The following LEPR variants were observed in gnomAD, a reference collection of about 807,000 sequenced individuals.
The protein encoded by LEPR is OB receptor.
Under a neutral mutation model 114.7 loss-of-function variants are expected in LEPR, and 56 were observed. The ratio of observed to expected loss-of-function variants is 0.49; its 90% CI spans 0.39 to 0.61. The LOEUF is 0.61. Among genes scored for constraint, LEPR ranks in the 20% least tolerant of loss-of-function variants. LEPR has a pLI of 0.00. For missense variants in LEPR, 1,202 were observed against 1,352.9 expected, an observed-to-expected ratio of 0.89 and a Z score of 1.75; for synonymous variants, 443 against 461.4, an observed-to-expected ratio of 0.96 and a Z score of 0.51.
chr1:65,600,879 A>G (rs1395067461), intron 8 of LEPR, among the ~76,000 whole-genome samples: 1 of 151,754 alleles, frequency 6.6e-6, no homozygotes, highest in Non-Finnish European at 1.5e-5. Flanking sequence ...CGACATTCCT[A>G]TTTTTTAATT....
chr1:65,453,591 T>C (rs1411331483), intron 2 of LEPR, among the ~76,000 whole-genome samples: 1 of 152,220 alleles, frequency 6.6e-6, no homozygotes, highest in Non-Finnish European at 1.5e-5. Flanking sequence ...TGAGCGGTTT[T>C]GAGTGAGATT....
chr1:65,461,891 G>T (rs1027085573), intron 2 of LEPR, among the ~76,000 whole-genome samples: 1 of 152,114 alleles, frequency 6.6e-6, no homozygotes, highest in Non-Finnish European at 1.5e-5. Context: ...CCAAACATCA[G>T]CCTAATCGTG....
intron 6 of LEPR, among the ~76,000 whole-genome samples, chr1:65,593,803 G>A (rs182207501): frequency 1.3e-5 from 2 of 152,202 alleles, no homozygotes; most frequent in Admixed American, 6.5e-5. Context: ...TGGCATACAA[G>A]CAATTCAATC....
chr1:65,434,402 T>C (rs765756692), intron 2 of LEPR: 65 of 985,284 alleles, frequency 6.6e-5, no homozygotes, highest in Non-Finnish European at 7.5e-5. Context: ...ACTTCCAAAA[T>C]TGGCCACAAG....
intron 19 of LEPR, among the ~76,000 whole-genome samples, chr1:65,626,631 T>C (rs1286698701): frequency 1.3e-5 from 2 of 152,186 alleles, no homozygotes; most frequent in Non-Finnish European, 2.9e-5. Context: ...TTTAATCTCC[T>C]AAACAATTAA....
At chr1:65,461,428 A>G (rs1275440082) in intron 2 of LEPR, among the ~76,000 whole-genome samples, 1 of 152,178 alleles carries the variant, frequency 6.6e-6, no homozygotes, top group Non-Finnish European at 1.5e-5. Flanking sequence ...TCACACAACG[A>G]TGGGGATATG....
rs58700529 is a variant in LEPR, at chr1:65,592,248, A to ATT, written c.495-391_495-390dup. Among the ~76,000 whole-genome samples the ATT allele has an allele frequency of 8.4e-3, 988 of 117,674 alleles. 10 individuals carry two copies. Among genetic ancestry groups the ATT allele is most frequent in the Middle Eastern group, 0.016 (3 of 190 alleles). The allele number at this position is 117,674 out of a possible 152,430, so 77.2% of individuals were successfully genotyped here. A position where few individuals can be genotyped will look rare whatever the true frequency, so the allele number is the denominator to read the frequency against. ...TGAAACCACATTTCTATCTGCTGTCATTTTTTTTTTTTTTTTTTTGCCTGA... is the reference window on the plus strand; with the variant it reads ...TGAAACCACATTTCTATCTGCTGTCATTTTTTTTTTTTTTTTTTTTTGCCTGA... On this transcript the variant is annotated intron_variant, in intron 5 of 19. Transcript: ENST00000349533.
At chr1:65,434,946 C>G (rs1570442186) in intron 2 of LEPR, 1 of 985,540 alleles carries the variant, frequency 1.0e-6, no homozygotes, top group Non-Finnish European at 1.2e-6. Context: ...TTCTCCACAT[C>G]TGAAATTCCT....
chr1:65,582,708 A>G (rs1360761236), intron 5 of LEPR, among the ~76,000 whole-genome samples: 8 of 151,778 alleles, frequency 5.3e-5, no homozygotes, highest in Admixed American at 1.3e-4. Context: ...TCTAAGGCAA[A>G]CCCTTTGTTA....
At chr1:65,617,104 G>C (rs1399393351) in intron 15 of LEPR, among the ~76,000 whole-genome samples, 1 of 152,146 alleles carries the variant, frequency 6.6e-6, no homozygotes, top group East Asian at 1.9e-4. Context: ...TGTAGAATGC[G>C]TCAGTGGGGT....
chr1:65,533,175 A>G (rs889933199), intron 2 of LEPR, among the ~76,000 whole-genome samples: 1 of 152,182 alleles, frequency 6.6e-6, no homozygotes, highest in African/African-American at 2.4e-5. Context: ...AAAAAATTAG[A>G]TGAGATTTAC....
intron 3 of LEPR, among the ~76,000 whole-genome samples, chr1:65,567,060 T>C (rs541508073): frequency 6.6e-6 from 1 of 152,222 alleles, no homozygotes; most frequent in Non-Finnish European, 1.5e-5. Flanking sequence ...TCTGGTTTGA[T>C]CAAGTTTTTG....
chr1:65,427,874 C>G (rs1414948894), intron 2 of LEPR: 1 of 251,540 alleles, frequency 4.0e-6, no homozygotes, highest in Non-Finnish European at 8.3e-6. Flanking sequence ...CTCCTGGCCT[C>G]AAGTCATCCT....
chr1:65,590,839 A>G lies in LEPR; in HGVS notation c.495-1818A>G, dbSNP rs376438066. Among the ~76,000 whole-genome samples, 4 of 149,034 alleles carry G rather than the reference A, an allele frequency of 2.7e-5. No individual in the cohort carries two copies. In the East Asian group the frequency reaches 5.9e-4, roughly 22 times the overall value. On this transcript the variant is annotated intron_variant, in intron 5 of 19. Transcript: ENST00000349533. ...TTCTATTTCATTATATTCTGATTTG[A>G]TATTTATGATTTCTCATCTGTTTTA...
intron 4 of LEPR, among the ~76,000 whole-genome samples, chr1:65,571,971 C>CAAAAAAAAAAAA (rs72311704): frequency 1.6e-5 from 1 of 60,658 alleles, no homozygotes; most frequent in Non-Finnish European, 2.9e-5. Context: ...CACCCCATCT[C>CAAAAAAAAAAAA]AAAAAAAAAA....
intron 16 of LEPR, among the ~76,000 whole-genome samples, chr1:65,619,168 A>G (rs1657720615): frequency 6.6e-6 from 1 of 152,210 alleles, no homozygotes; most frequent in East Asian, 1.9e-4. Context: ...GGGACCTAGA[A>G]TTTAGCATCA....
chr1:65,518,748 T>C (rs1649414181), intron 2 of LEPR, among the ~76,000 whole-genome samples: 1 of 152,230 alleles, frequency 6.6e-6, no homozygotes, highest in African/African-American at 2.4e-5. Context: ...CCAAGCTTTC[T>C]ATCACTATGT....
intron 12 of LEPR, among the ~76,000 whole-genome samples, chr1:65,609,641 G>A (rs1429648856): frequency 6.6e-6 from 1 of 152,200 alleles, no homozygotes; most frequent in African/African-American, 2.4e-5. Context: ...CATCTTTGTG[G>A]GTAGAGGATT....
At chr1:65,581,897 C>T (rs1655013681) in intron 5 of LEPR, among the ~76,000 whole-genome samples, 1 of 152,222 alleles carries the variant, frequency 6.6e-6, no homozygotes, top group Non-Finnish European at 1.5e-5. Context: ...TCTGCTACTA[C>T]ACAAGAAGGA....
Sources: gnomAD v4.1 joint callset for allele counts (sites outside exome capture counted in the v4.1 genomes callset) on GRCh38, gnomAD v4.1.1 for gene constraint, MANE v1.5 for transcripts, NCBI Gene and HGNC (gene_info 2026-07-23, HGNC 2026-07-21) for gene names.